The following PCMTD1 variants were observed in gnomAD, a reference collection of about 807,000 sequenced individuals.
PCMTD1 encodes protein-L-isoaspartate (D-aspartate) O-methyltransferase domain containing 1, also known as protein-L-isoaspartate O-methyltransferase domain-containing protein 1.
A neutral mutation model predicts 37.6 loss-of-function variants in PCMTD1; 12 were observed. The ratio of observed to expected loss-of-function variants is 0.32; its 90% CI spans 0.20 to 0.52. PCMTD1 has a LOEUF of 0.52. Among genes scored for constraint, PCMTD1 ranks in the 20% least tolerant of loss-of-function variants. PCMTD1 has a pLI of 0.97. For synonymous variants in PCMTD1, 117 were observed against 135.8 expected (o/e 0.86, Z 0.96); for missense variants, 235 against 421.3 (o/e 0.56, Z 3.87).
Position 51,819,167 on chromosome 8 carries a change from G to A in PCMTD1, c.*1184C>T, listed in dbSNP as rs1297422311. 1 of 152,018 alleles carries A rather than the reference G, an allele frequency of 6.6e-6. No homozygotes were observed. The highest frequency in any genetic ancestry group is 1.5e-5 in the Non-Finnish European group (1 of 68,008). The allele number at this position is 152,018 out of a possible 1,614,324, so 9.4% of individuals were successfully genotyped here. A position where few individuals can be genotyped will look rare whatever the true frequency, so the allele number is the denominator to read the frequency against. Reference sequence around the variant, plus strand: ...TAAGTAAAAAATGAAAACCATTATAGTTTTACCAAAAGAAACACAAAAAAT... The same window carrying A: ...TAAGTAAAAAATGAAAACCATTATAATTTTACCAAAAGAAACACAAAAAAT... On this transcript the variant is annotated 3_prime_UTR_variant, in exon 6 of 6. Coordinates refer to ENST00000522514, the MANE Select transcript of PCMTD1 (RefSeq NM_052937.4).
intron 3 of PCMTD1, among the ~76,000 whole-genome samples, chr8:51,840,571 T>C (rs757194976): frequency 1.6e-4 from 24 of 152,234 alleles, no homozygotes; most frequent in South Asian, 6.2e-4. Context: ...GAATATATAA[T>C]GAATTATATA....
At chr8:51,839,081 T>A (rs2038108710) in intron 3 of PCMTD1, among the ~76,000 whole-genome samples, 1 of 127,102 alleles carries the variant, frequency 7.9e-6, no homozygotes, top group Non-Finnish European at 1.8e-5. Flanking sequence ...AAAGTAGCAA[T>A]CATTTTTATT....
At chr8:51,893,340 G>A (rs546599903) in intron 1 of PCMTD1, among the ~76,000 whole-genome samples, 3 of 152,090 alleles carry the variant, frequency 2.0e-5, no homozygotes, top group Admixed American at 6.5e-5. Flanking sequence ...CATTAACATC[G>A]ATAGATTATT....
At chr8:51,856,033 C>T (rs2038383727) in intron 2 of PCMTD1, among the ~76,000 whole-genome samples, 1 of 152,118 alleles carries the variant, frequency 6.6e-6, no homozygotes, top group African/African-American at 2.4e-5. Context: ...CACCCTGGAT[C>T]TCCCTAATCT....
intron 1 of PCMTD1, among the ~76,000 whole-genome samples, chr8:51,880,641 A>C (rs1401723525): frequency 6.6e-6 from 1 of 152,172 alleles, no homozygotes; most frequent in Non-Finnish European, 1.5e-5. Flanking sequence ...ATATCACCCA[A>C]TTGTCCAACC....
chr8:51,845,622 A>G, intron 3 of PCMTD1, 39 bp downstream of exon 3: 1 of 1,377,542 alleles, frequency 7.3e-7, no homozygotes, highest in Non-Finnish European at 1.0e-6. Context: ...TGTATCTATT[A>G]AGTGATTTTA....
At chr8:51,839,489 C>T in intron 3 of PCMTD1, 1 of 985,386 alleles carries the variant, frequency 1.0e-6, no homozygotes, top group Non-Finnish European at 1.2e-6. Context: ...GGAATATCTT[C>T]ATCTTGAGAT....
intron 2 of PCMTD1, among the ~76,000 whole-genome samples, chr8:51,846,191 G>A (rs1333587664): frequency 1.3e-5 from 2 of 152,114 alleles, no homozygotes; most frequent in African/African-American, 2.4e-5. Context: ...TCAGGGCATC[G>A]CTACCCCCAG....
chr8:51,871,171 C>T (rs866642883), intron 1 of PCMTD1, among the ~76,000 whole-genome samples: 6 of 152,118 alleles, frequency 3.9e-5, no homozygotes, highest in Non-Finnish European at 7.4e-5. Flanking sequence ...GCAAAGCTAT[C>T]GCCTACTGAC....
intron 5 of PCMTD1, among the ~76,000 whole-genome samples, chr8:51,824,060 G>T (rs1184463848): frequency 6.6e-6 from 1 of 152,182 alleles, no homozygotes; most frequent in Non-Finnish European, 1.5e-5. Context: ...AATAATAAGA[G>T]CTATTTATGA....
intron 1 of PCMTD1, among the ~76,000 whole-genome samples, chr8:51,897,293 T>C (rs1353738759): frequency 1.3e-5 from 2 of 152,210 alleles, no homozygotes; most frequent in Non-Finnish European, 2.9e-5. Flanking sequence ...CTGTCTTACT[T>C]AATAGTAGGC....
chr8:51,821,838 C>T (rs943289230), intron 5 of PCMTD1, among the ~76,000 whole-genome samples: 5 of 151,106 alleles, frequency 3.3e-5, no homozygotes, highest in Admixed American at 2.6e-4. Context: ...CGGGTTCAAG[C>T]GATTCTCCTG....
At chr8:51,865,244 A>G (rs552846192) in intron 1 of PCMTD1, among the ~76,000 whole-genome samples, 1 of 152,246 alleles carries the variant, frequency 6.6e-6, no homozygotes, top group East Asian at 1.9e-4. Context: ...GAATTACGCC[A>G]AACATTTAAA....
chr8:51,822,367 A>AG (rs1175425613), intron 5 of PCMTD1, among the ~76,000 whole-genome samples: 1 of 151,428 alleles, frequency 6.6e-6, no homozygotes, highest in East Asian at 1.9e-4. Flanking sequence ...GAGGGAGGGA[A>AG]AAAAAAATAA....
At chr8:51,857,900 G>A (rs2038414588) in intron 2 of PCMTD1, among the ~76,000 whole-genome samples, 1 of 152,126 alleles carries the variant, frequency 6.6e-6, no homozygotes, top group Non-Finnish European at 1.5e-5. Flanking sequence ...GCTGAGGCGG[G>A]AGAATCACTT....
rs1205389226 is a variant in PCMTD1 at position 51,884,729 on chromosome 8, GT to G, written c.-96+14200del. On this transcript the variant is annotated intron_variant, in intron 1 of 5. Coordinates refer to ENST00000522514, the MANE Select transcript of PCMTD1 (RefSeq NM_052937.4). ...TTTCCCCAGCACTCTCTTTTGGACA[GT>G]TTGTAGAACACAACCTCTAGCAAAA... 2.6e-5 allele frequency among the ~76,000 whole-genome samples: 4 copies of G among 152,288 alleles called. No individual in the cohort carries two copies. In the East Asian group the frequency reaches 7.7e-4, roughly 29 times the overall value.
At chr8:51,821,284 A>T (rs1051644749) in intron 5 of PCMTD1, among the ~76,000 whole-genome samples, 2 of 151,582 alleles carry the variant, frequency 1.3e-5, no homozygotes, top group Non-Finnish European at 2.9e-5. Context: ...GGACATAAGC[A>T]CACGCCAGCA....
intron 1 of PCMTD1, among the ~76,000 whole-genome samples, chr8:51,862,285 T>C (rs1585827669): frequency 6.6e-6 from 1 of 152,234 alleles, no homozygotes; most frequent in East Asian, 1.9e-4. Context: ...TTAGTAAACC[T>C]TGTTGTGACA....
chr8:51,820,200 C>T lies in PCMTD1; in HGVS notation c.*151G>A. ...AAGGGATTCTTTTATTCACTGAATA[C>T]ATCATTTGTGTTACTGACAGAAACA... On this transcript the variant is annotated 3_prime_UTR_variant, in exon 6 of 6. Coordinates refer to ENST00000522514, the MANE Select transcript of PCMTD1 (RefSeq NM_052937.4). The T allele has an allele frequency of 1.7e-6, 1 of 591,826 alleles. No homozygotes were observed. The highest frequency in any genetic ancestry group is 2.7e-6 in the Non-Finnish European group (1 of 375,384). The allele number at this position is 591,826 out of a possible 1,614,324, so 36.7% of individuals were successfully genotyped here.
Sources: allele counts gnomAD v4.1 joint callset (sites outside exome capture counted in the v4.1 genomes callset), GRCh38; gene constraint gnomAD v4.1.1; transcripts MANE v1.5; gene names NCBI Gene and HGNC (gene_info 2026-07-23, HGNC 2026-07-21).